The following SIRT1 variants were observed in gnomAD, a reference collection of about 807,000 sequenced individuals.
The protein encoded by SIRT1 is sirtuin 1, also known as NAD-dependent protein deacetylase sirtuin-1.
SIRT1 carries 24 observed loss-of-function variants against 67.9 expected under a neutral mutation model. That is an observed-to-expected ratio of 0.35 (90% CI 0.26 to 0.50). The LOEUF (loss-of-function observed/expected upper bound fraction) is 0.50. SIRT1 is among the 20% of genes least tolerant of loss of function. SIRT1 has a pLI of 0.98. For synonymous variants in SIRT1, 378 were observed against 350.7 expected (o/e 1.08, Z -0.87); for missense variants, 873 against 937.2 (o/e 0.93, Z 0.89).
At chr10:67,906,695 ATG>A in intron 4 of SIRT1, 93 bp from the exon 5 acceptor site, 2 of 1,201,210 alleles carry the variant, frequency 1.7e-6, no homozygotes, top group Non-Finnish European at 2.4e-6. Flanking sequence ...TTTTAAAATT[ATG>A]TGTGTGGGAT....
chr10:67,904,844 C>CAA (rs34104914), intron 4 of SIRT1, among the ~76,000 whole-genome samples: 39 of 127,316 alleles, frequency 3.1e-4, no homozygotes, highest in African/African-American at 1.1e-3. Context: ...AACTCTGTCT[C>CAA]AAAAAAAAAA....
chr10:67,909,766 G>A (rs1842871052), intron 7 of SIRT1, among the ~76,000 whole-genome samples: 1 of 151,958 alleles, frequency 6.6e-6, no homozygotes, highest in South Asian at 2.1e-4. Context: ...GTATAGACCG[G>A]GTTTCACCAT....
intron 4 of SIRT1, among the ~76,000 whole-genome samples, chr10:67,893,493 G>A (rs369037782): frequency 6.6e-6 from 1 of 150,934 alleles, no homozygotes; most frequent in Non-Finnish European, 1.5e-5. Context: ...ATCGTTAGAA[G>A]TTGTGAATAG....
chr10:67,891,592 C>T (rs770324835), intron 4 of SIRT1, 38 bp downstream of exon 4: 14 of 1,603,456 alleles, frequency 8.7e-6, no homozygotes, highest in Middle Eastern at 1.7e-4. Flanking sequence ...TTGGCCTTCT[C>T]TCATGAAAAA....
chr10:67,899,944 C>T (rs1395408361), intron 4 of SIRT1, among the ~76,000 whole-genome samples: 3 of 151,794 alleles, frequency 2.0e-5, no homozygotes, highest in Admixed American at 6.6e-5. Context: ...ATTAGCCGGC[C>T]GTGGTGGCAA....
At chr10:67,910,343 C>A (rs1258931017) in intron 7 of SIRT1, among the ~76,000 whole-genome samples, 2 of 151,992 alleles carry the variant, frequency 1.3e-5, no homozygotes, top group East Asian at 3.9e-4. Flanking sequence ...CCACTGCACT[C>A]CAGCCTGGGT....
At chr10:67,904,123 G>GTTTTTTTTTTTTTTTT (rs1262495636) in intron 4 of SIRT1, among the ~76,000 whole-genome samples, 1 of 115,450 alleles carries the variant, frequency 8.7e-6, no homozygotes. Flanking sequence ...AGTTTTTTTT[G>GTTTTTTTTTTTTTTTT]TTTGTTTTTT....
chr10:67,886,556 A>C (rs1165519702), intron 1 of SIRT1, among the ~76,000 whole-genome samples: 1 of 20,458 alleles, frequency 4.9e-5, no homozygotes, highest in Non-Finnish European at 1.6e-4. Context: ...ACCCCGTCTC[A>C]AAAAAAAAAA....
chr10:67,887,461 T>C lies in SIRT1; in HGVS notation c.475T>C (p.Ser159Pro), dbSNP rs200660028. The C allele has an allele frequency of 9.3e-6, 15 of 1,613,930 alleles. No homozygotes were observed. ...GDEIITNGFH[S>P]CESDEEDRAS... ...TGAAATTATCACTAATGGTTTTCAT[T>C]CCTGTGAAAGTGATGAGGAGGATAG... The change falls in exon 2 of 9, where the codon TCC becomes CCC. Residue 159 changes from serine (S) to proline (P), a missense_variant. By Grantham distance (74) the Ser-to-Pro change is moderately conservative. Coordinates refer to ENST00000212015, the MANE Select transcript of SIRT1 (RefSeq NM_012238.5).
chr10:67,908,726 A>G (rs1415013193), intron 6 of SIRT1, among the ~76,000 whole-genome samples: 2 of 152,102 alleles, frequency 1.3e-5, no homozygotes, highest in Non-Finnish European at 2.9e-5. Flanking sequence ...ACATGGCAAA[A>G]CCCCGTCTCT....
At position 67,890,826 on chromosome 10, in the gene SIRT1, C is replaced by T. The variant is rs796716797; in HGVS notation, c.790-576C>T. On this transcript the variant is annotated intron_variant, in intron 3 of 8. Transcript: ENST00000212015. Reference sequence around the variant, plus strand: ...CCTGCGGATCACGAGGTTAGGAGATCGAGACCATCTTGGCTAACATGGTGA... The same window carrying T: ...CCTGCGGATCACGAGGTTAGGAGATTGAGACCATCTTGGCTAACATGGTGA... Among the ~76,000 whole-genome samples, 28 of 151,806 alleles carry T rather than the reference C, an allele frequency of 1.8e-4. 1 individual carries two copies. Among genetic ancestry groups the T allele is most frequent in the African/African-American group, 6.8e-4 (28 of 41,390 alleles).
chr10:67,893,840 G>T (rs536745002), intron 4 of SIRT1, among the ~76,000 whole-genome samples: 3 of 152,188 alleles, frequency 2.0e-5, no homozygotes, highest in African/African-American at 7.2e-5. Context: ...ACCGCGCCCC[G>T]CGCCCTGCCG....
intron 4 of SIRT1, among the ~76,000 whole-genome samples, chr10:67,897,342 C>T (rs1350442467): frequency 3.4e-5 from 5 of 147,992 alleles, no homozygotes; most frequent in African/African-American, 7.5e-5. Flanking sequence ...GGCTGGAGTG[C>T]GATGGTGTGA....
In SIRT1 at chr10:67,916,458, A is replaced by C. The variant is rs201327262; in HGVS notation, c.2109A>C (p.Glu703Asp). The C allele has an allele frequency of 1.9e-5, 31 of 1,614,078 alleles. No individual in the cohort carries two copies. The highest frequency in any genetic ancestry group is 1.5e-4 in the Admixed American group (9 of 60,006). Residue 703 changes from glutamate (E) to aspartate (D), a missense_variant, in exon 9 of 9, where the codon GAA (glutamate) becomes GAC (aspartate). By Grantham distance (45) the Glu-to-Asp change is conservative (BLOSUM62 2). Transcript: ENST00000212015. ...TTGAAGAATTCTACAATGGCTTAGA[A>C]GATGAGCCTGATGTTCCAGAGAGAG... ...SEIEEFYNGL[E>D]DEPDVPERAG...
At chr10:67,900,562 A>C (rs1842726403) in intron 4 of SIRT1, among the ~76,000 whole-genome samples, 1 of 152,146 alleles carries the variant, frequency 6.6e-6, no homozygotes, top group South Asian at 2.1e-4. Flanking sequence ...CTCCTGTCTC[A>C]GCCTCCCAAG....
In SIRT1 at chr10:67,884,896, G is replaced by A; in HGVS notation, c.175G>A (p.Glu59Lys). 8.2e-7 allele frequency: 1 copy of A among 1,220,178 alleles called. No homozygotes were observed. Among genetic ancestry groups the A allele is most frequent in the Non-Finnish European group, 1.0e-6 (1 of 980,442 alleles). 75.6% of individuals were successfully genotyped at this position (1,220,178 alleles called of 1,614,324 possible). Residue 59 changes from glutamate to lysine, a missense_variant, in exon 1 of 9, where the codon GAG becomes AAG. Coordinates refer to ENST00000212015, the MANE Select transcript of SIRT1 (RefSeq NM_012238.5). Reference sequence around the variant, plus strand: ...GCCCGGTGGGGCGGCCCCAGAGCGTGAGGTGCCGGCGGCGGCCAGGGGCTG... The same window carrying A: ...GCCCGGTGGGGCGGCCCCAGAGCGTAAGGTGCCGGCGGCGGCCAGGGGCTG... ...GEPGGAAPER[E>K]VPAAARGCPG...
At chr10:67,912,370 G>A in intron 7 of SIRT1, 104 bp from the exon 8 acceptor site, 1 of 1,033,672 alleles carries the variant, frequency 9.7e-7, no homozygotes, top group Non-Finnish European at 1.4e-6. Flanking sequence ...TTGGGAATTT[G>A]GAGCTCAAGC....
intron 4 of SIRT1, among the ~76,000 whole-genome samples, chr10:67,899,948 G>A (rs1172345705): frequency 6.6e-6 from 1 of 151,990 alleles, no homozygotes; most frequent in Non-Finnish European, 1.5e-5. Flanking sequence ...GCCGGCCGTG[G>A]TGGCAAGCGC....
At chr10:67,893,997 G>T (rs887258031) in intron 4 of SIRT1, among the ~76,000 whole-genome samples, 2 of 152,008 alleles carry the variant, frequency 1.3e-5, no homozygotes, top group African/African-American at 4.8e-5. Context: ...GTGATTTTTT[G>T]GATGCAGTAG....
Sources: gnomAD v4.1 joint callset for allele counts (sites outside exome capture counted in the v4.1 genomes callset) on GRCh38, gnomAD v4.1.1 for gene constraint, MANE v1.5 for transcripts, NCBI Gene and HGNC (gene_info 2026-07-23, HGNC 2026-07-21) for gene names.